CFAP299: variants seen among roughly 807,000 people sequenced by gnomAD.
CFAP299 encodes cilia and flagella associated protein 299, also known as cilia- and flagella-associated protein 299.
Under a neutral mutation model 27.0 loss-of-function variants are expected in CFAP299, and 21 were observed. The observed-to-expected ratio is 0.78, with a 90% confidence interval of 0.55 to 1.12. The LOEUF (loss-of-function observed/expected upper bound fraction) is 1.12. CFAP299 is among the 50% of genes most tolerant of loss of function. The pLI is 0.00. For synonymous variants in CFAP299, 104 were observed against 98.1 expected (o/e 1.06, Z -0.36); for missense variants, 310 against 276.6 (o/e 1.12, Z -0.86).
At chr4:80,597,432 C>A (rs1228965901) in intron 3 of CFAP299, among the ~76,000 whole-genome samples, 1 of 152,026 alleles carries the variant, frequency 6.6e-6, no homozygotes, top group African/African-American at 2.4e-5. Context: ...CTTATGTAGG[C>A]AATTTGTACA....
rs116131400 is a variant in CFAP299, at chr4:80,388,525, C to T, written c.242+25641C>T. The T allele has an allele frequency of 2.9e-3, 4,241 of 1,439,070 alleles. 102 individuals are homozygous for T. In the African/African-American group the frequency reaches 0.052, roughly 18 times the overall value. 89.1% of individuals were successfully genotyped at this position (1,439,070 alleles called of 1,614,324 possible). A position where few individuals can be genotyped will look rare whatever the true frequency, so the allele number is the denominator to read the frequency against. The stretch of plus-strand genomic sequence containing the variant: ...GCTTGTGGGTCATAAACACTGGCAG[C>T]GAGTTGAATTGCTTCTTACACTTCC... On this transcript the variant is annotated intron_variant, in intron 2 of 5. Transcript: ENST00000358105.
intron 3 of CFAP299, among the ~76,000 whole-genome samples, chr4:80,610,194 A>G (rs1737893598): frequency 6.7e-6 from 1 of 148,712 alleles, no homozygotes; most frequent in South Asian, 2.2e-4. Context: ...AATTTGATAA[A>G]TGCTCTAAAA....
chr4:80,799,049 A>G (rs1728041794), intron 3 of CFAP299, among the ~76,000 whole-genome samples: 1 of 147,174 alleles, frequency 6.8e-6, no homozygotes, highest in South Asian at 2.1e-4. Flanking sequence ...CAAAATCTGT[A>G]TTAGTCAGGG....
intron 3 of CFAP299, among the ~76,000 whole-genome samples, chr4:80,821,301 C>T (rs906190079): frequency 6.6e-6 from 1 of 152,096 alleles, no homozygotes; most frequent in African/African-American, 2.4e-5. Context: ...TCACTGAAAA[C>T]GTTAAGTTGA....
chr4:80,486,067 G>C (rs748359277), intron 2 of CFAP299, among the ~76,000 whole-genome samples: 1 of 152,060 alleles, frequency 6.6e-6, no homozygotes, highest in Non-Finnish European at 1.5e-5. Flanking sequence ...GTAGCTGGGT[G>C]TACAGGAACA....
chr4:80,681,886 C>T (rs553389250), intron 3 of CFAP299, among the ~76,000 whole-genome samples: 18 of 152,106 alleles, frequency 1.2e-4, no homozygotes, highest in Non-Finnish European at 2.2e-4. Context: ...AAAGGCAGCC[C>T]TTGAGAATTC....
Position 80,744,576 on chromosome 4 carries a change from T to C in CFAP299, c.334-125417T>C, listed in dbSNP as rs1055546136. On this transcript the variant is annotated intron_variant, in intron 3 of 5. Coordinates refer to ENST00000358105, the MANE Select transcript of CFAP299 (RefSeq NM_152770.3). Reference sequence around the variant, plus strand: ...ACCTCCTCTCCTTTACCTTTTTTGATTTTCATCTTTTTTTTTTAAAGGTTG... The same window carrying C: ...ACCTCCTCTCCTTTACCTTTTTTGACTTTCATCTTTTTTTTTTAAAGGTTG... Among the ~76,000 whole-genome samples the C allele has an allele frequency of 2.6e-5, 4 of 152,214 alleles. No homozygotes were observed. The East Asian group carries it at 7.7e-4, about 29-fold the overall frequency.
chr4:80,633,961 T>C (rs1449923337), intron 3 of CFAP299, among the ~76,000 whole-genome samples: 2 of 149,218 alleles, frequency 1.3e-5, no homozygotes, highest in Admixed American at 1.3e-4. Flanking sequence ...GAAAGTAAAC[T>C]CTCGCTTCCT....
At chr4:80,755,619 T>C (rs1214257762) in intron 3 of CFAP299, among the ~76,000 whole-genome samples, 3 of 152,092 alleles carry the variant, frequency 2.0e-5, no homozygotes, top group South Asian at 4.1e-4. Flanking sequence ...ATCCAATTAA[T>C]GGTAAATCCT....
chr4:80,518,303 G>C (rs1023824198), intron 2 of CFAP299, among the ~76,000 whole-genome samples: 13 of 152,150 alleles, frequency 8.5e-5, no homozygotes, highest in Admixed American at 6.5e-5. Context: ...TGGATAGCCA[G>C]AGCACTACAT....
At chr4:80,875,663 T>G (rs1291711695) in intron 4 of CFAP299, among the ~76,000 whole-genome samples, 1 of 119,590 alleles carries the variant, frequency 8.4e-6, no homozygotes, top group Admixed American at 8.7e-5. Context: ...AAACTCTGTC[T>G]CAAAAAAAAA....
chr4:80,750,849 T>A (rs1424328207), intron 3 of CFAP299, among the ~76,000 whole-genome samples: 1 of 152,218 alleles, frequency 6.6e-6, no homozygotes, highest in African/African-American at 2.4e-5. Context: ...TTTGTCAACT[T>A]GTAACAGAGA....
At chr4:80,799,894 T>A (rs1465742144) in intron 3 of CFAP299, among the ~76,000 whole-genome samples, 3 of 39,090 alleles carry the variant, frequency 7.7e-5, no homozygotes, top group African/African-American at 3.6e-4. Context: ...AATATATAAA[T>A]TATATATTAT....
At chr4:80,896,873 C>T (rs1734634063) in intron 4 of CFAP299, among the ~76,000 whole-genome samples, 1 of 151,962 alleles carries the variant, frequency 6.6e-6, no homozygotes, top group South Asian at 2.1e-4. Context: ...TCATACCTTG[C>T]TGCTATAATA....
At chr4:80,844,142 C>T (rs1039647878) in intron 3 of CFAP299, among the ~76,000 whole-genome samples, 5 of 152,120 alleles carry the variant, frequency 3.3e-5, no homozygotes, top group Admixed American at 6.5e-5. Flanking sequence ...TTTTCTTAAT[C>T]CAGTCTATCA....
chr4:80,793,167 G>A (rs1372124130), intron 3 of CFAP299, among the ~76,000 whole-genome samples: 2 of 151,068 alleles, frequency 1.3e-5, no homozygotes, highest in African/African-American at 4.9e-5. Context: ...TTATCACAAG[G>A]TCCCACAATA....
At chr4:80,963,495 C>T (rs375655535) in intron 5 of CFAP299, 22 bp from the exon 6 acceptor site, 51 of 1,496,368 alleles carry the variant, frequency 3.4e-5, no homozygotes, top group Non-Finnish European at 4.6e-5. Flanking sequence ...ACTTGACTAA[C>T]AATGTAATTT....
chr4:80,456,727 T>G (rs997126395), intron 2 of CFAP299, among the ~76,000 whole-genome samples: 1 of 152,164 alleles, frequency 6.6e-6, no homozygotes, highest in African/African-American at 2.4e-5. Flanking sequence ...TGGATAACCA[T>G]GTTGGAGTTC....
chr4:80,613,398 G>A (rs1371182361), intron 3 of CFAP299, among the ~76,000 whole-genome samples: 1 of 152,072 alleles, frequency 6.6e-6, no homozygotes, highest in African/African-American at 2.4e-5. Context: ...TAAAACTGAT[G>A]TAGTACGTAT....
Sources: gnomAD v4.1 joint callset for allele counts (sites outside exome capture counted in the v4.1 genomes callset) on GRCh38, gnomAD v4.1.1 for gene constraint, MANE v1.5 for transcripts, NCBI Gene and HGNC (gene_info 2026-07-23, HGNC 2026-07-21) for gene names.